Variants in CACNG3 observed in about 807,000 individuals in gnomAD.
CACNG3 encodes calcium voltage-gated channel auxiliary subunit gamma 3.
In CACNG3, 3 loss-of-function variants were observed where a neutral mutation model predicts 28.5. The observed-to-expected ratio is 0.11, with a 90% CI of 0.05 to 0.27. The LOEUF is 0.27. CACNG3 is among the 10% of genes least tolerant of loss of function. CACNG3 has a pLI of 1.00. For missense variants in CACNG3, 236 were observed against 414.4 expected (o/e 0.57, Z 3.74); for synonymous variants, 174 against 162.2 (o/e 1.07, Z -0.55).
intron 1 of CACNG3, among the ~76,000 whole-genome samples, chr16:24,311,100 T>G (rs1395720675): frequency 6.6e-6 from 1 of 152,194 alleles, no homozygotes; most frequent in Non-Finnish European, 1.5e-5. Context: ...GAGCAAAAGC[T>G]CTACAGATAG....
At chr16:24,272,752 T>C (rs1462816292) in intron 1 of CACNG3, among the ~76,000 whole-genome samples, 1 of 152,232 alleles carries the variant, frequency 6.6e-6, no homozygotes, top group African/African-American at 2.4e-5. Flanking sequence ...TAATAAGGCA[T>C]CCTGGAGATC....
chr16:24,327,455 TAC>T (rs751581514), intron 1 of CACNG3, among the ~76,000 whole-genome samples: 1,971 of 91,272 alleles, frequency 0.022, 81 homozygotes, highest in African/African-American at 0.074. Context: ...TATATATATA[TAC>T]ACACACACAC....
intron 1 of CACNG3, among the ~76,000 whole-genome samples, chr16:24,300,187 T>C (rs959367605): frequency 2.0e-5 from 3 of 152,202 alleles, no homozygotes; most frequent in Non-Finnish European, 4.4e-5. Flanking sequence ...CTAAGGCCTT[T>C]TGATCTAAAC....
At chr16:24,290,197 A>G (rs1424429962) in intron 1 of CACNG3, among the ~76,000 whole-genome samples, 1 of 152,208 alleles carries the variant, frequency 6.6e-6, no homozygotes, top group Non-Finnish European at 1.5e-5. Context: ...TTATTTGTTT[A>G]TATTCATCTT....
chr16:24,280,651 A>G (rs1898812641), intron 1 of CACNG3, among the ~76,000 whole-genome samples: 1 of 151,890 alleles, frequency 6.6e-6, no homozygotes, highest in East Asian at 1.9e-4. Flanking sequence ...CCCTGTCTCT[A>G]CTAAAAACAC....
chr16:24,285,845 C>CTTTTTTTTTTT (rs11406086), intron 1 of CACNG3, among the ~76,000 whole-genome samples: 7 of 131,630 alleles, frequency 5.3e-5, no homozygotes, highest in African/African-American at 8.5e-5. Flanking sequence ...TCTTTCTTTT[C>CTTTTTTTTTTT]TTTTTTTTTT....
chr16:24,283,592 G>T (rs1487143305), intron 1 of CACNG3, among the ~76,000 whole-genome samples: 1 of 152,092 alleles, frequency 6.6e-6, no homozygotes, highest in Non-Finnish European at 1.5e-5. Flanking sequence ...AATTTCATTT[G>T]CTTTTCCAGG....
chr16:24,360,291 G>A (rs1417234047), intron 3 of CACNG3, among the ~76,000 whole-genome samples: 1 of 152,156 alleles, frequency 6.6e-6, no homozygotes, highest in Admixed American at 6.5e-5. Flanking sequence ...CATGAGAAAG[G>A]TAGGCAGAGA....
intron 1 of CACNG3, among the ~76,000 whole-genome samples, chr16:24,318,264 T>C (rs1596640982): frequency 2.6e-5 from 4 of 152,248 alleles, no homozygotes; most frequent in African/African-American, 9.6e-5. Flanking sequence ...CTATCTCAGC[T>C]CACTGCAACC....
At chr16:24,298,497 A>G (rs1899063256) in intron 1 of CACNG3, among the ~76,000 whole-genome samples, 1 of 152,224 alleles carries the variant, frequency 6.6e-6, no homozygotes, top group Admixed American at 6.5e-5. Flanking sequence ...ATATTTTTAA[A>G]TAAACTTTTT....
At chr16:24,281,046 C>T (rs753862971) in intron 1 of CACNG3, among the ~76,000 whole-genome samples, 6 of 152,048 alleles carry the variant, frequency 3.9e-5, no homozygotes, top group African/African-American at 7.2e-5. Flanking sequence ...TGGCTATATG[C>T]GGGGACCAAA....
At chr16:24,273,980 T>G (rs1405536091) in intron 1 of CACNG3, among the ~76,000 whole-genome samples, 1 of 152,058 alleles carries the variant, frequency 6.6e-6, no homozygotes, top group African/African-American at 2.4e-5. Flanking sequence ...AGTTAAGAAC[T>G]CAACCTCACC....
intron 1 of CACNG3, among the ~76,000 whole-genome samples, chr16:24,268,390 C>T (rs548374967): frequency 3.3e-5 from 5 of 152,296 alleles, no homozygotes; most frequent in African/African-American, 1.2e-4. Flanking sequence ...TCACACCACA[C>T]TGCCTTAATT....
chr16:24,289,314 A>T (rs962343904), intron 1 of CACNG3, among the ~76,000 whole-genome samples: 2 of 152,078 alleles, frequency 1.3e-5, no homozygotes, highest in African/African-American at 2.4e-5. Context: ...GAAAAAAAAA[A>T]AAGAAAAAGA....
At chr16:24,345,148 T>C (rs1273331241) in intron 1 of CACNG3, among the ~76,000 whole-genome samples, 3 of 152,214 alleles carry the variant, frequency 2.0e-5, no homozygotes, top group Admixed American at 6.5e-5. Context: ...CTCATGTTCA[T>C]GTATAGCTTT....
chr16:24,317,649 AAAGAAAGAAAG>A (rs1899391250), intron 1 of CACNG3, among the ~76,000 whole-genome samples: 2 of 11,444 alleles, frequency 1.7e-4, no homozygotes, highest in African/African-American at 6.4e-4. Context: ...AAAGAAAAGA[AAAGAAAGAAAG>A]AAAGAAAGAA....
At chr16:24,267,915 C>A (rs1018645000) in intron 1 of CACNG3, among the ~76,000 whole-genome samples, 2 of 152,152 alleles carry the variant, frequency 1.3e-5, no homozygotes, top group African/African-American at 4.8e-5. Flanking sequence ...AAATAATCTG[C>A]CCACCTTGGC....
At chr16:24,310,337 G>T (rs942088300) in intron 1 of CACNG3, among the ~76,000 whole-genome samples, 6 of 152,202 alleles carry the variant, frequency 3.9e-5, no homozygotes, top group Non-Finnish European at 7.3e-5. Context: ...GCCAAGGTGG[G>T]CGGATCACTT....
intron 1 of CACNG3, among the ~76,000 whole-genome samples, chr16:24,271,394 T>A (rs559799644): frequency 9.2e-5 from 14 of 152,332 alleles, no homozygotes; most frequent in African/African-American, 3.1e-4. Context: ...TAGGTTTTTT[T>A]AAATGACGTT....
Sources: allele counts gnomAD v4.1 joint callset (sites outside exome capture counted in the v4.1 genomes callset), GRCh38; gene constraint gnomAD v4.1.1; transcripts MANE v1.5; gene names NCBI Gene and HGNC (gene_info 2026-07-23, HGNC 2026-07-21).